MTUS2: variants seen among roughly 807,000 people sequenced by gnomAD.
MTUS2 encodes the protein microtubule-associated tumor suppressor candidate 2.
MTUS2 carries 40 observed loss-of-function variants against 114.1 expected under a neutral mutation model. The observed-to-expected ratio is 0.35, with a 90% CI of 0.27 to 0.46. The LOEUF (loss-of-function observed/expected upper bound fraction) is 0.46, where lower values mean the gene tolerates loss of function less well. MTUS2 is among the 20% of genes least tolerant of loss of function. MTUS2 has a pLI of 1.00. For missense variants in MTUS2, 1,679 were observed against 1,705.4 expected (o/e 0.98, Z 0.27); for synonymous variants, 688 against 672.0 (o/e 1.02, Z -0.37).
At chr13:29,410,388 A>C (rs1010172212) in intron 8 of MTUS2, among the ~76,000 whole-genome samples, 1 of 152,144 alleles carries the variant, frequency 6.6e-6, no homozygotes, top group East Asian at 1.9e-4. Context: ...CGGCCTCCCA[A>C]AGTGCTGGGA....
At chr13:29,309,083 C>T (rs1027070126) in intron 6 of MTUS2, among the ~76,000 whole-genome samples, 2 of 152,122 alleles carry the variant, frequency 1.3e-5, no homozygotes, top group African/African-American at 4.8e-5. Context: ...TATATGTATA[C>T]CCAAAGGAAT....
In MTUS2 at chr13:28,824,616, T is replaced by G. The variant is rs540766659; in HGVS notation, c.-316+4005T>G. On this transcript the variant is annotated intron_variant, in intron 1 of 15. Coordinates refer to ENST00000612955, the MANE Select transcript of MTUS2 (RefSeq NM_001033602.4). ...CTATACTGAAGTCTCTTTCTCTCAC[T>G]GCAGTTGTACTGGGTAAAATCTGTC... 5.9e-5 allele frequency among the ~76,000 whole-genome samples: 9 copies of G among 152,222 alleles called. No homozygotes were observed. The East Asian group carries it at 1.7e-3, about 29-fold the overall frequency.
At chr13:29,242,749 T>C (rs1332212264) in intron 5 of MTUS2, 1 of 152,228 alleles carries the variant, frequency 6.6e-6, no homozygotes, top group Non-Finnish European at 1.5e-5. Context: ...GAAGAACTTA[T>C]AGTCTAATAA....
intron 7 of MTUS2, among the ~76,000 whole-genome samples, chr13:29,353,480 T>G (rs1405673204): frequency 6.6e-6 from 1 of 151,962 alleles, no homozygotes; most frequent in Non-Finnish European, 1.5e-5. Flanking sequence ...TTTGTATTTT[T>G]TATACAGGTG....
chr13:29,228,535 G>T (rs1281761791), intron 5 of MTUS2, among the ~76,000 whole-genome samples: 3 of 152,072 alleles, frequency 2.0e-5, no homozygotes, highest in African/African-American at 7.2e-5. Context: ...GCCCAGGCTG[G>T]TCCCAAACTC....
chr13:29,421,680 T>C (rs146135008), intron 8 of MTUS2, among the ~76,000 whole-genome samples: 1 of 152,272 alleles, frequency 6.6e-6, no homozygotes, highest in Non-Finnish European at 1.5e-5. Context: ...AAGACAAAGA[T>C]AGACAATTAT....
intron 5 of MTUS2, among the ~76,000 whole-genome samples, chr13:29,134,781 G>A (rs9550440): frequency 0.72 from 110,173 of 152,052 alleles, 39,908 homozygotes; most frequent in Admixed American, 0.73. Context: ...ATTTTTAGTA[G>A]AGACGGGGTT....
intron 8 of MTUS2, among the ~76,000 whole-genome samples, chr13:29,390,946 C>A (rs1326031097): frequency 1.3e-5 from 2 of 151,938 alleles, no homozygotes; most frequent in Non-Finnish European, 2.9e-5. Flanking sequence ...CTATGCCCAG[C>A]TAATTATTGT....
At chr13:29,439,047 C>T (rs1439221417) in intron 8 of MTUS2, among the ~76,000 whole-genome samples, 1 of 152,218 alleles carries the variant, frequency 6.6e-6, no homozygotes, top group Admixed American at 6.5e-5. Context: ...CGATGATACT[C>T]ATGCTAGGTA....
At chr13:29,372,403 A>G (rs1871267293) in intron 8 of MTUS2, among the ~76,000 whole-genome samples, 1 of 152,128 alleles carries the variant, frequency 6.6e-6, no homozygotes, top group African/African-American at 2.4e-5. Flanking sequence ...CATGAGTGAA[A>G]GGGCATGGAC....
In MTUS2 at chr13:28,955,159, T is replaced by C. The variant is rs185776542; in HGVS notation, c.-242-69298T>C. ...CCCTTTCTAACCTATGACACTGTCT[T>C]TTACCCACATGTTACATCTGCGCCC... On this transcript the variant is annotated intron_variant, in intron 2 of 15. Coordinates refer to ENST00000612955, the MANE Select transcript of MTUS2 (RefSeq NM_001033602.4). Among the ~76,000 whole-genome samples the C allele has an allele frequency of 1.9e-3, 283 of 152,198 alleles. 1 individual carries two copies. Among genetic ancestry groups the C allele is most frequent in the African/African-American group, 6.3e-3 (261 of 41,560 alleles).
intron 8 of MTUS2, among the ~76,000 whole-genome samples, chr13:29,439,709 A>G (rs541601704): frequency 3.6e-4 from 55 of 152,354 alleles, no homozygotes; most frequent in African/African-American, 1.3e-3. Context: ...GCAAAGAATT[A>G]ATGCAGGATG....
At position 29,148,715 on chromosome 13, in the gene MTUS2, T is replaced by C. The variant is rs1892545729; in HGVS notation, c.2644+47745T>C. On this transcript the variant is annotated intron_variant, in intron 5 of 15. Coordinates refer to ENST00000612955, the MANE Select transcript of MTUS2 (RefSeq NM_001033602.4). The stretch of plus-strand genomic sequence containing the variant: ...GGATGGTCTCGATCTCCTGACCTCG[T>C]GATCCGCCCGCCTCGGCCTCCCAAA... 2.4e-5 allele frequency among the ~76,000 whole-genome samples: 3 copies of C among 123,654 alleles called. 1 individual carries two copies. The highest frequency in any genetic ancestry group is 5.6e-5 in the Non-Finnish European group (3 of 53,502). 81.1% of individuals were successfully genotyped at this position (123,654 alleles called of 152,430 possible). A position where few individuals can be genotyped will look rare whatever the true frequency, so the allele number is the denominator to read the frequency against.
intron 5 of MTUS2, among the ~76,000 whole-genome samples, chr13:29,216,042 T>G (rs945480745): frequency 7.9e-5 from 12 of 152,180 alleles, no homozygotes; most frequent in Non-Finnish European, 1.8e-4. Context: ...AGCCCCTGAC[T>G]GGGGCTGCCG....
chr13:29,377,385 C>T (rs1249897889), intron 8 of MTUS2, among the ~76,000 whole-genome samples: 1 of 152,100 alleles, frequency 6.6e-6, no homozygotes, highest in Admixed American at 6.6e-5. Flanking sequence ...TGAAATTGTA[C>T]AAAGTATGTT....
intron 2 of MTUS2, among the ~76,000 whole-genome samples, chr13:28,979,873 C>G (rs1010767205): frequency 1.3e-5 from 2 of 152,122 alleles, no homozygotes; most frequent in Non-Finnish European, 2.9e-5. Flanking sequence ...AAATTTGGAG[C>G]AACCTTTTTT....
chr13:29,244,160 CT>C (rs1896826171), intron 5 of MTUS2, among the ~76,000 whole-genome samples: 1 of 152,130 alleles, frequency 6.6e-6, no homozygotes. Context: ...GGAATACATT[CT>C]GGAAGGAGTA....
intron 8 of MTUS2, among the ~76,000 whole-genome samples, chr13:29,424,588 ATTGGAACACCC>A (rs1876366104): frequency 2.0e-5 from 3 of 152,204 alleles, no homozygotes; most frequent in Admixed American, 2.0e-4. Context: ...GCTCACTAAA[ATTGGAACACCC>A]AGACACAGTG....
chr13:29,124,580 A>C (rs139988827), intron 5 of MTUS2, among the ~76,000 whole-genome samples: 12 of 152,300 alleles, frequency 7.9e-5, no homozygotes, highest in African/African-American at 2.9e-4. Flanking sequence ...CCACTACTGG[A>C]TATATACCCC....
Sources: allele counts gnomAD v4.1 joint callset (sites outside exome capture counted in the v4.1 genomes callset), GRCh38; gene constraint gnomAD v4.1.1; transcripts MANE v1.5; gene names NCBI Gene and HGNC (gene_info 2026-07-23, HGNC 2026-07-21).